Variants in ERC2 observed in about 807,000 individuals in gnomAD.
ERC2 encodes the protein ERC protein 2.
In ERC2, 42 loss-of-function variants were observed where a neutral mutation model predicts 114.8. That is an observed-to-expected ratio of 0.37 (90% CI 0.29 to 0.47). The LOEUF is 0.47. Ranked by LOEUF, ERC2 falls within the 20% of genes least tolerant of loss-of-function variation. The pLI, the probability that ERC2 is intolerant of heterozygous loss-of-function variation, is 0.99. For missense variants in ERC2, 939 were observed against 1,150.7 expected, an observed-to-expected ratio of 0.82 and a Z score of 2.66; for synonymous variants, 454 against 425.5, an observed-to-expected ratio of 1.07 and a Z score of -0.82.
intron 14 of ERC2, among the ~76,000 whole-genome samples, chr3:55,880,892 T>C (rs1187118042): frequency 3.3e-5 from 5 of 152,126 alleles, no homozygotes; most frequent in Admixed American, 2.0e-4. Flanking sequence ...GTACCTAACA[T>C]ACTAATATAT....
intron 2 of ERC2, among the ~76,000 whole-genome samples, chr3:56,383,527 T>G (rs2059828960): frequency 6.6e-6 from 1 of 152,182 alleles, no homozygotes; most frequent in South Asian, 2.1e-4. Flanking sequence ...CCAACATCTA[T>G]CACAGTGCCT....
chr3:56,203,189 G>C (rs1363410285), intron 3 of ERC2, among the ~76,000 whole-genome samples: 1 of 152,216 alleles, frequency 6.6e-6, no homozygotes, highest in African/African-American at 2.4e-5. Context: ...CAGCTTATCA[G>C]AGACCATCAA....
At chr3:56,066,015 G>A (rs1178892253) in intron 7 of ERC2, among the ~76,000 whole-genome samples, 1 of 152,146 alleles carries the variant, frequency 6.6e-6, no homozygotes, top group African/African-American at 2.4e-5. Context: ...GCATACATGT[G>A]CATGTATCTT....
At chr3:56,433,703 C>T (rs2061893777) in intron 2 of ERC2, 1 of 152,484 alleles carries the variant, frequency 6.6e-6, no homozygotes, top group Non-Finnish European at 1.5e-5. Flanking sequence ...TTTCCTGTGG[C>T]ATGAAGGATG....
chr3:56,263,337 T>C (rs984654037), intron 3 of ERC2, among the ~76,000 whole-genome samples: 4 of 149,324 alleles, frequency 2.7e-5, no homozygotes, highest in Admixed American at 2.0e-4. Flanking sequence ...TCTACTTAAG[T>C]AGCCTCAACA....
At chr3:55,779,346 A>C (rs2149046581) in intron 14 of ERC2, among the ~76,000 whole-genome samples, 1 of 148,746 alleles carries the variant, frequency 6.7e-6, no homozygotes, top group South Asian at 2.1e-4. Context: ...AAAAAAAAAA[A>C]AAAAAATTAG....
At chr3:55,952,185 TC>T (rs2067619467) in intron 12 of ERC2, among the ~76,000 whole-genome samples, 1 of 98,174 alleles carries the variant, frequency 1.0e-5, no homozygotes, top group East Asian at 2.5e-4. Context: ...ACACACTCTC[TC>T]TCTCTCTCTC....
chr3:56,364,264 T>C (rs997647159), intron 2 of ERC2, among the ~76,000 whole-genome samples: 12 of 152,102 alleles, frequency 7.9e-5, no homozygotes, highest in Non-Finnish European at 1.3e-4. Flanking sequence ...TATTGCTAAG[T>C]GGTTAGAGAG....
chr3:55,597,940 T>C (rs1286526557), intron 17 of ERC2, among the ~76,000 whole-genome samples: 2 of 152,244 alleles, frequency 1.3e-5, no homozygotes, highest in Admixed American at 1.3e-4. Context: ...GACTAAACTA[T>C]GTCCTTCCCC....
At chr3:56,412,459 G>A (rs2060977819) in intron 2 of ERC2, among the ~76,000 whole-genome samples, 2 of 152,252 alleles carry the variant, frequency 1.3e-5, no homozygotes, top group Admixed American at 1.3e-4. Flanking sequence ...AGGAAACTGA[G>A]GCTCAGAGTG....
At chr3:56,370,969 C>A (rs1424538655) in intron 2 of ERC2, among the ~76,000 whole-genome samples, 1 of 152,192 alleles carries the variant, frequency 6.6e-6, no homozygotes, top group Non-Finnish European at 1.5e-5. Flanking sequence ...CATAATGTTA[C>A]TTATTGTGTT....
At chr3:56,075,854 C>T (rs1576824281) in intron 7 of ERC2, among the ~76,000 whole-genome samples, 1 of 152,178 alleles carries the variant, frequency 6.6e-6, no homozygotes, top group Non-Finnish European at 1.5e-5. Flanking sequence ...GTCCTCCACA[C>T]TTTACTTCAA....
chr3:56,380,327 T>C (rs1216197852), intron 2 of ERC2, among the ~76,000 whole-genome samples: 2 of 152,164 alleles, frequency 1.3e-5, no homozygotes, highest in African/African-American at 2.4e-5. Flanking sequence ...TTCTAAAGTA[T>C]ATTTTTACTG....
intron 14 of ERC2, among the ~76,000 whole-genome samples, chr3:55,776,351 C>T (rs2068617499): frequency 1.3e-5 from 2 of 151,992 alleles, no homozygotes; most frequent in South Asian, 4.2e-4. Context: ...GGAGTAAGAA[C>T]AGACTGAGGA....
intron 15 of ERC2, among the ~76,000 whole-genome samples, chr3:55,727,148 A>T (rs77338906): frequency 2.6e-5 from 4 of 152,184 alleles, no homozygotes; most frequent in African/African-American, 9.7e-5. Context: ...TTTTGATGTC[A>T]GTCCTTTTTT....
At chr3:56,467,186 C>A (rs549380119) in intron 1 of ERC2, 1 of 152,364 alleles carries the variant, frequency 6.6e-6, no homozygotes, top group East Asian at 1.9e-4. Flanking sequence ...AAAGAGCCAA[C>A]CAGGAAACTA....
At chr3:55,730,673 C>A (rs1376298146) in intron 15 of ERC2, among the ~76,000 whole-genome samples, 3 of 152,140 alleles carry the variant, frequency 2.0e-5, no homozygotes, top group Admixed American at 2.0e-4. Flanking sequence ...GAGTTTGAGA[C>A]CTGCCTAGGC....
chr3:55,575,079 T>C (rs1575626245), intron 17 of ERC2, among the ~76,000 whole-genome samples: 1 of 152,154 alleles, frequency 6.6e-6, no homozygotes, highest in South Asian at 2.1e-4. Flanking sequence ...AGTGGCATGA[T>C]CTTGGCTCAC....
At chr3:55,788,676 G>T (rs891755031) in intron 14 of ERC2, among the ~76,000 whole-genome samples, 7 of 152,158 alleles carry the variant, frequency 4.6e-5, no homozygotes, top group African/African-American at 1.7e-4. Context: ...TCTCCCCAAG[G>T]TCTTGGTTTC....
Sources: gnomAD v4.1 joint callset for allele counts (sites outside exome capture counted in the v4.1 genomes callset) on GRCh38, gnomAD v4.1.1 for gene constraint, MANE v1.5 for transcripts, NCBI Gene and HGNC (gene_info 2026-07-23, HGNC 2026-07-21) for gene names.